SLC5A12: variants seen among roughly 807,000 people sequenced by gnomAD.
SLC5A12 encodes sodium-coupled monocarboxylate transporter 2.
Under a neutral mutation model 72.7 loss-of-function variants are expected in SLC5A12, and 46 were observed. The observed-to-expected ratio is 0.63, with a 90% CI of 0.50 to 0.81. The LOEUF (loss-of-function observed/expected upper bound fraction) is 0.81. Among genes scored for constraint, SLC5A12 ranks in the 30% least tolerant of loss-of-function variants. SLC5A12 has a pLI of 0.00. For synonymous variants in SLC5A12, 275 were observed against 264.4 expected, an observed-to-expected ratio of 1.04 and a Z score of -0.39; for missense variants, 683 against 740.7, an observed-to-expected ratio of 0.92 and a Z score of 0.90.
intron 10 of SLC5A12, 114 bp downstream of exon 10, chr11:26,686,363 G>T: frequency 1.2e-6 from 1 of 806,016 alleles, no homozygotes; most frequent in Non-Finnish European, 2.0e-6. Context: ...TTTTAATTTG[G>T]AGCTGGTATC....
chr11:26,712,085 G>A (rs1413159140), intron 2 of SLC5A12, among the ~76,000 whole-genome samples: 1 of 152,050 alleles, frequency 6.6e-6, no homozygotes, highest in African/African-American at 2.4e-5. Context: ...TCTTCTAGGA[G>A]AAAGTACTTG....
intron 13 of SLC5A12, among the ~76,000 whole-genome samples, chr11:26,677,481 G>A (rs900140741): frequency 1.3e-5 from 2 of 152,114 alleles, no homozygotes; most frequent in African/African-American, 4.8e-5. Context: ...TCTTCTTAGT[G>A]GTGACCGATC....
rs754430972 is a variant in SLC5A12 at position 26,671,234 on chromosome 11, G to T, written c.1725C>A (p.Gly575=). The T allele has an allele frequency of 3.9e-5, 63 of 1,600,082 alleles. No individual in the cohort carries two copies. The highest frequency in any genetic ancestry group is 5.2e-5 in the Non-Finnish European group (61 of 1,173,668). Reference sequence around the variant, plus strand: ...ATTCAGCCCCCTGTTTCCGGGCACTGCCATTCTCAAGGTTTTCCTGAGGGA... The same window carrying T: ...ATTCAGCCCCCTGTTTCCGGGCACTTCCATTCTCAAGGTTTTCCTGAGGGA... ...SGTEQENLEN[G]SARKQGAESV... Residue 575 remains glycine, a synonymous_variant, in exon 15 of 15, where the codon GGC becomes GGA. Coordinates refer to ENST00000396005, the MANE Select transcript of SLC5A12 (RefSeq NM_178498.4).
At position 26,697,245 on chromosome 11, in the gene SLC5A12, G is replaced by A. The variant is rs973874522; in HGVS notation, c.959C>T (p.Pro320Leu). The change falls in exon 8 of 15, where the codon CCG (proline) becomes CTG (leucine). Residue 320 changes from proline to leucine, a missense_variant. Transcript: ENST00000396005. The stretch of plus-strand genomic sequence containing the variant: ...GGCAAATATCTCCATGACAAAGTAC[G>A]GCATCAGCTGAAGAGGAGGCAAAAC... ...GIISAPDQLMPYFVMEIFATM... is the reference protein window; with the variant it reads ...GIISAPDQLMLYFVMEIFATM... The A allele has an allele frequency of 1.1e-5, 18 of 1,612,004 alleles. No homozygotes were observed. The highest frequency in any genetic ancestry group is 5.4e-5 in the African/African-American group (4 of 74,604).
intron 12 of SLC5A12, among the ~76,000 whole-genome samples, chr11:26,679,794 T>C (rs1022503846): frequency 6.6e-6 from 1 of 152,102 alleles, no homozygotes; most frequent in Non-Finnish European, 1.5e-5. Context: ...GATAAAAAGG[T>C]TGTGTTTTAT....
At chr11:26,691,615 G>A (rs1307872988) in intron 9 of SLC5A12, 3 of 151,994 alleles carry the variant, frequency 2.0e-5, no homozygotes, top group Non-Finnish European at 4.4e-5. Flanking sequence ...ATATGTTATT[G>A]TATATGTCAC....
At chr11:26,708,705 C>T (rs1855148901) in intron 4 of SLC5A12, among the ~76,000 whole-genome samples, 1 of 151,952 alleles carries the variant, frequency 6.6e-6, no homozygotes, top group African/African-American at 2.4e-5. Flanking sequence ...ACAATAGGTG[C>T]TCAATGAATG....
chr11:26,669,157 C>CCTTT lies in SLC5A12; in HGVS notation c.*1944_*1945insAAAG, dbSNP rs1854068225. 1 of 94,490 alleles carries CCTTT rather than the reference C, an allele frequency of 1.1e-5. No homozygotes were observed. Among genetic ancestry groups the CCTTT allele is most frequent in the East Asian group, 3.2e-4 (1 of 3,140 alleles). The allele number at this position is 94,490 out of a possible 1,614,324, so 5.9% of individuals were successfully genotyped here. A position where few individuals can be genotyped will look rare whatever the true frequency, so the allele number is the denominator to read the frequency against. ...TTATTCTTTCTGTCTCTCTCTTCCT[C>CCTTT]TTCCTGTCTTTTTCTTTCTTTCTTT... On this transcript the variant is annotated 3_prime_UTR_variant, in exon 15 of 15. Coordinates refer to ENST00000396005, the MANE Select transcript of SLC5A12 (RefSeq NM_178498.4).
intron 6 of SLC5A12, among the ~76,000 whole-genome samples, chr11:26,702,830 T>C (rs952218605): frequency 6.6e-6 from 1 of 152,194 alleles, no homozygotes; most frequent in Non-Finnish European, 1.5e-5. Flanking sequence ...GAAGCTTAAC[T>C]TGGGCTATTT....
At chr11:26,706,122 A>C (rs1477138373) in intron 4 of SLC5A12, among the ~76,000 whole-genome samples, 3 of 151,972 alleles carry the variant, frequency 2.0e-5, no homozygotes, top group Non-Finnish European at 4.4e-5. Context: ...TTCACTGGTT[A>C]TTTTAAATAT....
intron 1 of SLC5A12, among the ~76,000 whole-genome samples, chr11:26,714,758 C>G (rs987344185): frequency 6.6e-6 from 1 of 152,124 alleles, no homozygotes; most frequent in African/African-American, 2.4e-5. Context: ...TACAATTGGC[C>G]CTTCTTTGAA....
At chr11:26,690,883 A>G (rs143485624) in intron 9 of SLC5A12, among the ~76,000 whole-genome samples, 6 of 151,890 alleles carry the variant, frequency 4.0e-5, no homozygotes, top group East Asian at 3.9e-4. Context: ...AAGTACTTAC[A>G]ATCTAAAGGA....
At chr11:26,702,767 A>G (rs918802119) in intron 6 of SLC5A12, among the ~76,000 whole-genome samples, 2 of 152,128 alleles carry the variant, frequency 1.3e-5, no homozygotes, top group Non-Finnish European at 2.9e-5. Context: ...CTCCTTGGAA[A>G]CTTTAAGAGT....
Position 26,703,808 on chromosome 11 carries a change from C to A in SLC5A12, c.665G>T (p.Arg222Leu), listed in dbSNP as rs773003900. ...NVLEQSTNGS[R>L]LHIFDFDVDP... ...TTGGACATACTCAAATATATGTAGT[C>A]GAGATCCATTTGTTGATTGCTCTAA... is the stretch of plus-strand genomic sequence containing the variant. Residue 222 changes from arginine (R) to leucine (L), a missense_variant, in exon 5 of 15, where the codon CGA (arginine) becomes CTA (leucine). Physicochemically the swap from Arg to Leu is moderately radical, Grantham distance 102 (BLOSUM62 -2). Coordinates refer to ENST00000396005, the MANE Select transcript of SLC5A12 (RefSeq NM_178498.4). The A allele has an allele frequency of 5.6e-6, 9 of 1,613,728 alleles. No homozygotes were observed. The highest frequency in any genetic ancestry group is 8.5e-7 in the Non-Finnish European group (1 of 1,179,836).
In SLC5A12 at chr11:26,683,740, G is replaced by A; in HGVS notation, c.1308+17C>T. ...AGTTTTGACTGGGAATTGTGAAGAG[G>A]GCTGTGGGATCCTTACCTTCCAATT... On this transcript the variant is annotated intron_variant, in intron 11 of 14. Transcript: ENST00000396005. 6.4e-7 allele frequency: 1 copy of A among 1,565,208 alleles called. No individual in the cohort carries two copies. The highest frequency in any genetic ancestry group is 2.3e-5 in the East Asian group (1 of 43,256).
In SLC5A12 at chr11:26,703,492, A is replaced by G. The variant is rs372043369; in HGVS notation, c.821+39T>C. On this transcript the variant is annotated intron_variant, in intron 6 of 14. Coordinates refer to ENST00000396005, the MANE Select transcript of SLC5A12 (RefSeq NM_178498.4). ...ATATATAATAAGTACCAAATAAGGTAAGATAAAACATTAAAATTTTTCTTG... is the reference window on the plus strand; with the variant it reads ...ATATATAATAAGTACCAAATAAGGTGAGATAAAACATTAAAATTTTTCTTG... 6.2e-6 allele frequency: 10 copies of G among 1,601,926 alleles called. No individual in the cohort carries two copies. The African/African-American group carries it at 1.2e-4, about 19-fold the overall frequency.
In SLC5A12 at chr11:26,697,244, C is replaced by T. The variant is rs144794941; in HGVS notation, c.960G>A (p.Pro320=). 2,445 of 1,610,512 alleles carry T rather than the reference C, an allele frequency of 1.5e-3. 23 individuals carry two copies. Among genetic ancestry groups the T allele is most frequent in the Non-Finnish European group, 8.4e-4 (996 of 1,178,918 alleles). Residue 320 remains proline (P), a synonymous_variant, in exon 8 of 15, where the codon CCG becomes CCA. Transcript: ENST00000396005. ...TGGCAAATATCTCCATGACAAAGTA[C>T]GGCATCAGCTGAAGAGGAGGCAAAA... ...GIISAPDQLM[P]YFVMEIFATM... is the part of the protein sequence containing the mutation.
chr11:26,704,662 A>G (rs1249644393), intron 4 of SLC5A12, among the ~76,000 whole-genome samples: 2 of 152,188 alleles, frequency 1.3e-5, no homozygotes, highest in African/African-American at 4.8e-5. Flanking sequence ...TCCATGCCCA[A>G]TATGATTGAC....
At chr11:26,692,666 C>A in intron 8 of SLC5A12, 65 bp from the exon 9 acceptor site, 2 of 1,109,818 alleles carry the variant, frequency 1.8e-6, no homozygotes, top group South Asian at 2.5e-5. Context: ...AGCCTGCCCT[C>A]TTGTCCAGGG....
Sources: gnomAD v4.1 joint callset for allele counts (sites outside exome capture counted in the v4.1 genomes callset) on GRCh38, gnomAD v4.1.1 for gene constraint, MANE v1.5 for transcripts, NCBI Gene and HGNC (gene_info 2026-07-23, HGNC 2026-07-21) for gene names.